RGS20: variants seen among roughly 807,000 people sequenced by gnomAD.
The protein encoded by RGS20 is regulator of G protein signaling 20.
In RGS20, 30 loss-of-function variants were observed where a neutral mutation model predicts 33.6. The ratio of observed to expected loss-of-function variants is 0.89; its 90% confidence interval spans 0.67 to 1.21. The LOEUF is 1.21. Among genes scored for constraint, RGS20 ranks in the 50% most tolerant of loss-of-function variants. The probability of loss-of-function intolerance (pLI) is 0.00; values close to 1 mark genes in which losing one functional copy is unlikely to be tolerated. For missense variants in RGS20, 472 were observed against 502.4 expected (o/e 0.94, Z 0.58); for synonymous variants, 208 against 197.9 (o/e 1.05, Z -0.43).
chr8:53,947,343 GTATA>G (rs1204827005), intron 4 of RGS20, among the ~76,000 whole-genome samples: 1 of 136,530 alleles, frequency 7.3e-6, no homozygotes, highest in East Asian at 2.1e-4. Context: ...ATATAAGATA[GTATA>G]TATATTATAT....
At chr8:53,883,185 T>G (rs1812446448) in intron 2 of RGS20, among the ~76,000 whole-genome samples, 1 of 151,936 alleles carries the variant, frequency 6.6e-6, no homozygotes, top group Non-Finnish European at 1.5e-5. Context: ...AGACTGAGTT[T>G]CGCTCTTGTG....
intron 4 of RGS20, among the ~76,000 whole-genome samples, chr8:53,952,007 A>T (rs1030652036): frequency 6.6e-6 from 1 of 151,480 alleles, no homozygotes; most frequent in Admixed American, 6.6e-5. Flanking sequence ...ACAGAGTAAG[A>T]CTAAAAAAAC....
chr8:53,900,422 G>T (rs1812982721), intron 2 of RGS20, among the ~76,000 whole-genome samples: 1 of 152,102 alleles, frequency 6.6e-6, no homozygotes, highest in Non-Finnish European at 1.5e-5. Context: ...GATTACAGTT[G>T]TGAGCCACTG....
chr8:53,940,098 G>A (rs188719673), intron 3 of RGS20, among the ~76,000 whole-genome samples: 101 of 152,326 alleles, frequency 6.6e-4, no homozygotes, highest in African/African-American at 2.1e-3. Context: ...AGGTTAGGGC[G>A]ATGAAGTAGA....
At chr8:53,951,170 A>C (rs932146500) in intron 4 of RGS20, among the ~76,000 whole-genome samples, 1 of 152,226 alleles carries the variant, frequency 6.6e-6, no homozygotes, top group Admixed American at 6.5e-5. Flanking sequence ...TATTTCTAAC[A>C]GATAGAAATT....
intron 2 of RGS20, among the ~76,000 whole-genome samples, chr8:53,894,280 T>G (rs577798293): frequency 6.6e-6 from 1 of 152,358 alleles, no homozygotes; most frequent in African/African-American, 2.4e-5. Flanking sequence ...ATTTTAGATC[T>G]GTTTGTTCAA....
chr8:53,865,989 A>G (rs575226901), intron 1 of RGS20, among the ~76,000 whole-genome samples: 5 of 152,302 alleles, frequency 3.3e-5, no homozygotes, highest in African/African-American at 1.2e-4. Context: ...GGGAAAACAG[A>G]CTATCACAAT....
In RGS20 at chr8:53,929,633, A is replaced by C. The variant is rs187630996; in HGVS notation, c.511-9943A>C. ...CAGTGAGCCAAGATCGCACCATTGC[A>C]CTCCAGCCTGGGTGACAAGAGCAAA... On this transcript the variant is annotated intron_variant, in intron 2 of 5. Transcript: ENST00000297313. 4.6e-5 allele frequency among the ~76,000 whole-genome samples: 7 copies of C among 152,290 alleles called. No homozygotes were observed. The East Asian group carries it at 1.3e-3, about 29-fold the overall frequency.
chr8:53,886,101 A>C (rs1272062200), intron 2 of RGS20, among the ~76,000 whole-genome samples: 1 of 152,206 alleles, frequency 6.6e-6, no homozygotes, highest in African/African-American at 2.4e-5. Context: ...GTACAGTGTC[A>C]GTCAGCAACT....
At chr8:53,863,082 A>G (rs1187195448) in intron 1 of RGS20, among the ~76,000 whole-genome samples, 1 of 151,938 alleles carries the variant, frequency 6.6e-6, no homozygotes, top group Non-Finnish European at 1.5e-5. Context: ...TCTGCCTCCC[A>G]GTTCAAGGGA....
intron 2 of RGS20, among the ~76,000 whole-genome samples, chr8:53,906,118 AC>A (rs1813162967): frequency 6.6e-6 from 1 of 152,158 alleles, no homozygotes; most frequent in Non-Finnish European, 1.5e-5. Flanking sequence ...AGAGGATCCT[AC>A]AAAAAACTCA....
chr8:53,946,686 A>G lies in RGS20; in HGVS notation c.681A>G (p.Glu227=). ...GCAGTCTCACTGTTAGAAACCAGGA[A>G]GATCAGAGGCCCACAATAGCTTCCC... The change falls in exon 4 of 6, where the codon GAA becomes GAG. Residue 227 remains glutamate, a synonymous_variant. Coordinates refer to ENST00000297313, the MANE Select transcript of RGS20 (RefSeq NM_170587.4). 1 of 1,612,564 alleles carries G rather than the reference A, an allele frequency of 6.2e-7. No individual in the cohort carries two copies. Among genetic ancestry groups the G allele is most frequent in the East Asian group, 2.2e-5 (1 of 44,824 alleles).
intron 2 of RGS20, among the ~76,000 whole-genome samples, chr8:53,890,101 T>C (rs1028344943): frequency 5.3e-5 from 8 of 152,154 alleles, no homozygotes; most frequent in Admixed American, 1.3e-4. Context: ...ATCACAGATA[T>C]GTTGGCCTTT....
chr8:53,927,739 T>C (rs1410916035), intron 2 of RGS20, among the ~76,000 whole-genome samples: 1 of 152,184 alleles, frequency 6.6e-6, no homozygotes, highest in Non-Finnish European at 1.5e-5. Context: ...TGATTCCATG[T>C]TATTTAGAAA....
chr8:53,882,262 C>G (rs1812408520), intron 2 of RGS20, among the ~76,000 whole-genome samples: 1 of 152,204 alleles, frequency 6.6e-6, no homozygotes, highest in Non-Finnish European at 1.5e-5. Context: ...CCCCATCTCC[C>G]TCCACGCTTG....
chr8:53,868,181 C>T (rs1811963761), intron 1 of RGS20, among the ~76,000 whole-genome samples: 1 of 152,122 alleles, frequency 6.6e-6, no homozygotes, highest in Non-Finnish European at 1.5e-5. Context: ...AGTAATTAGT[C>T]ATTGAATTCC....
chr8:53,862,414 T>G (rs997327838), intron 1 of RGS20, among the ~76,000 whole-genome samples: 2 of 152,146 alleles, frequency 1.3e-5, no homozygotes, highest in Admixed American at 1.3e-4. Context: ...CAGCCCCTCC[T>G]CAGAAACCAC....
At chr8:53,885,441 G>A (rs1168690861) in intron 2 of RGS20, among the ~76,000 whole-genome samples, 1 of 152,082 alleles carries the variant, frequency 6.6e-6, no homozygotes, top group Admixed American at 6.6e-5. Context: ...GTGAAACCCC[G>A]TCTCTACTAA....
At position 53,917,208 on chromosome 8, in the gene RGS20, T is replaced by C. The variant is rs538722433; in HGVS notation, c.511-22368T>C. ...TGTTGCCCAGGCTGGAGTGCAGTGG[T>C]GCGATCTCAGCTCATTGCAACGTCT... On this transcript the variant is annotated intron_variant, in intron 2 of 5. Coordinates refer to ENST00000297313, the MANE Select transcript of RGS20 (RefSeq NM_170587.4). Among the ~76,000 whole-genome samples the C allele has an allele frequency of 9.2e-5, 14 of 152,270 alleles. 1 individual carries two copies. In the East Asian group the frequency reaches 2.1e-3, roughly 23 times the overall value.
Sources: allele counts gnomAD v4.1 joint callset (sites outside exome capture counted in the v4.1 genomes callset), GRCh38; gene constraint gnomAD v4.1.1; transcripts MANE v1.5; gene names NCBI Gene and HGNC (gene_info 2026-07-23, HGNC 2026-07-21).